The following PPM1H variants were observed in gnomAD, a reference collection of about 807,000 sequenced individuals.
PPM1H encodes protein phosphatase 1H.
Under a neutral mutation model 54.9 loss-of-function variants are expected in PPM1H, and 27 were observed. The ratio of observed to expected loss-of-function variants is 0.49; its 90% confidence interval spans 0.36 to 0.68. The LOEUF is 0.68. Ranked by LOEUF, PPM1H falls within the 30% of genes least tolerant of loss-of-function variation. The pLI is 0.00. For synonymous variants in PPM1H, 305 were observed against 270.8 expected (o/e 1.13, Z -1.24); for missense variants, 596 against 667.8 (o/e 0.89, Z 1.19).
chr12:62,872,557 TA>T (rs1314042828), intron 1 of PPM1H, among the ~76,000 whole-genome samples: 1 of 152,254 alleles, frequency 6.6e-6, no homozygotes, highest in Non-Finnish European at 1.5e-5. Context: ...GCACATTTTC[TA>T]GCTCAATCTC....
chr12:62,794,751 G>C (rs2076722273), intron 3 of PPM1H, among the ~76,000 whole-genome samples: 1 of 152,116 alleles, frequency 6.6e-6, no homozygotes. Context: ...TTTTTGGGAG[G>C]GTGGAGAAGT....
chr12:62,704,274 T>C (rs966129748), intron 6 of PPM1H, among the ~76,000 whole-genome samples: 1 of 152,170 alleles, frequency 6.6e-6, no homozygotes, highest in Non-Finnish European at 1.5e-5. Context: ...AAACACCCTC[T>C]ATCCAGCTGG....
At chr12:62,879,671 T>A (rs554392431) in intron 1 of PPM1H, among the ~76,000 whole-genome samples, 2 of 151,858 alleles carry the variant, frequency 1.3e-5, no homozygotes, top group South Asian at 4.2e-4. Context: ...AAATGACGAG[T>A]TGATGGGTGC....
intron 6 of PPM1H, among the ~76,000 whole-genome samples, chr12:62,695,466 C>T (rs1320434551): frequency 6.6e-6 from 1 of 152,122 alleles, no homozygotes; most frequent in African/African-American, 2.4e-5. Flanking sequence ...ACAAATGCTG[C>T]TGCTGTTGAG....
rs147472103 is a variant in PPM1H at position 62,922,585 on chromosome 12, A to G, written c.245+11907T>C. ...TTCTTTCTCCTAAATATGAGAGCAT[A>G]AAGTCCACAGAAAGAAAATACAGCT... On this transcript the variant is annotated intron_variant, in intron 1 of 9. Transcript: ENST00000228705. Among the ~76,000 whole-genome samples, 802 of 152,348 alleles carry G rather than the reference A, an allele frequency of 5.3e-3. 8 individuals carry two copies. Among genetic ancestry groups the G allele is most frequent in the African/African-American group, 0.018 (753 of 41,580 alleles).
intron 1 of PPM1H, among the ~76,000 whole-genome samples, chr12:62,846,820 G>A (rs1187382295): frequency 6.6e-6 from 1 of 152,220 alleles, no homozygotes; most frequent in Non-Finnish European, 1.5e-5. Flanking sequence ...TAACCAGTAA[G>A]TAGCACAGTG....
In PPM1H at chr12:62,834,753, G is replaced by A. The variant is rs965081613; in HGVS notation, c.246-2474C>T. 5.9e-5 allele frequency among the ~76,000 whole-genome samples: 9 copies of A among 152,136 alleles called. No homozygotes were observed. In the East Asian group the frequency reaches 9.7e-4, roughly 16 times the overall value. On this transcript the variant is annotated intron_variant, in intron 1 of 9. Transcript: ENST00000228705. ...AGCTCGTAGTACAGAACATGCATTCGTCTGGAACGTGCCTTTTACATCTCT... is the reference window on the plus strand; with the variant it reads ...AGCTCGTAGTACAGAACATGCATTCATCTGGAACGTGCCTTTTACATCTCT...
chr12:62,692,932 G>GACACACAC (rs71278272), intron 7 of PPM1H, among the ~76,000 whole-genome samples: 16,198 of 146,680 alleles, frequency 0.11, 997 homozygotes, highest in South Asian at 0.22. Flanking sequence ...CTTTTGCTCT[G>GACACACAC]ACACACACAC....
At chr12:62,795,608 T>A (rs889887543) in intron 3 of PPM1H, among the ~76,000 whole-genome samples, 1 of 151,608 alleles carries the variant, frequency 6.6e-6, no homozygotes, top group Non-Finnish European at 1.5e-5. Flanking sequence ...CACGCCCAGC[T>A]AATTTTTTTG....
chr12:62,903,085 C>T (rs886385505), intron 1 of PPM1H, among the ~76,000 whole-genome samples: 11 of 152,054 alleles, frequency 7.2e-5, no homozygotes, highest in African/African-American at 2.7e-4. Context: ...TGAGTTGTCA[C>T]CCCCTCCTGA....
intron 5 of PPM1H, among the ~76,000 whole-genome samples, chr12:62,723,644 G>T (rs2076275007): frequency 6.6e-6 from 1 of 152,028 alleles, no homozygotes; most frequent in East Asian, 1.9e-4. Flanking sequence ...TTGATCTTGG[G>T]GCTTCCCAGA....
chr12:62,711,366 G>A (rs2076206166), intron 6 of PPM1H, among the ~76,000 whole-genome samples: 1 of 152,200 alleles, frequency 6.6e-6, no homozygotes, highest in Admixed American at 6.5e-5. Context: ...CTGTGGTGGG[G>A]ATTGGCCCAG....
intron 5 of PPM1H, among the ~76,000 whole-genome samples, chr12:62,726,076 C>A (rs547513906): frequency 1.3e-5 from 2 of 152,272 alleles, no homozygotes; most frequent in East Asian, 3.9e-4. Context: ...TAAAAAATCA[C>A]CACCCACCTC....
chr12:62,810,816 A>C (rs931251512), intron 2 of PPM1H, among the ~76,000 whole-genome samples: 2 of 152,176 alleles, frequency 1.3e-5, no homozygotes, highest in East Asian at 3.9e-4. Context: ...TCTCAACTCC[A>C]TTTCCTTATT....
intron 6 of PPM1H, among the ~76,000 whole-genome samples, chr12:62,710,232 T>C (rs915948631): frequency 7.9e-5 from 12 of 151,850 alleles, no homozygotes; most frequent in Non-Finnish European, 1.8e-4. Flanking sequence ...AGGAGTACAT[T>C]AAAAGGTCCA....
At chr12:62,788,442 G>A (rs1473005672) in intron 3 of PPM1H, 104 bp from the exon 4 acceptor site, 3 of 693,694 alleles carry the variant, frequency 4.3e-6, no homozygotes, top group Non-Finnish European at 7.3e-6. Flanking sequence ...TGTGCTTCAA[G>A]AAGGGACTAG....
At chr12:62,729,301 C>T (rs2076307235) in intron 5 of PPM1H, among the ~76,000 whole-genome samples, 2 of 152,110 alleles carry the variant, frequency 1.3e-5, no homozygotes, top group Admixed American at 1.3e-4. Context: ...AGTGTGGCCA[C>T]AGCAAAGGCA....
At chr12:62,801,690 G>A (rs1178080374) in intron 3 of PPM1H, 126 bp downstream of exon 3, 1 of 1,009,838 alleles carries the variant, frequency 9.9e-7, no homozygotes, top group Non-Finnish European at 1.4e-6. Context: ...CATTATCACA[G>A]GGGGCCGTCC....
At chr12:62,652,167 ATT>A in intron 9 of PPM1H, among the ~76,000 whole-genome samples, 1 of 152,314 alleles carries the variant, frequency 6.6e-6, no homozygotes, top group East Asian at 1.9e-4. Context: ...ACACCCTGAT[ATT>A]GTTCAATTAT....
Sources: gnomAD v4.1 joint callset for allele counts (sites outside exome capture counted in the v4.1 genomes callset) on GRCh38, gnomAD v4.1.1 for gene constraint, MANE v1.5 for transcripts, NCBI Gene and HGNC (gene_info 2026-07-23, HGNC 2026-07-21) for gene names.